The following CLEC3B variants were observed in gnomAD, a reference collection of about 807,000 sequenced individuals.
The protein encoded by CLEC3B is C-type lectin domain family 3 member B, also known as tetranectin.
A neutral mutation model predicts 15.4 loss-of-function variants in CLEC3B; 13 were observed. The ratio of observed to expected loss-of-function variants is 0.84; its 90% confidence interval spans 0.55 to 1.34. The LOEUF (loss-of-function observed/expected upper bound fraction) is 1.34, where lower values mean the gene tolerates loss of function less well. Among genes scored for constraint, CLEC3B ranks in the 40% most tolerant of loss-of-function variants. The pLI, the probability that CLEC3B is intolerant of heterozygous loss-of-function variation, is 0.00. For missense variants in CLEC3B, 242 were observed against 268.6 expected, an observed-to-expected ratio of 0.90 and a Z score of 0.69; for synonymous variants, 112 against 114.7, an observed-to-expected ratio of 0.98 and a Z score of 0.15.
chr3:45,030,572 C>T (rs1283008241), intron 1 of CLEC3B, among the ~76,000 whole-genome samples: 1 of 152,176 alleles, frequency 6.6e-6, no homozygotes, highest in African/African-American at 2.4e-5. Context: ...TCACCCCTGC[C>T]TCTGCTAATC....
At chr3:45,033,358 TG>T (rs1697591133) in intron 2 of CLEC3B, among the ~76,000 whole-genome samples, 2 of 152,214 alleles carry the variant, frequency 1.3e-5, no homozygotes, top group Non-Finnish European at 2.9e-5. Flanking sequence ...CTGGGCTTCT[TG>T]GGGCCTTCTC....
chr3:45,028,293 A>G (rs567611206), intron 1 of CLEC3B, among the ~76,000 whole-genome samples: 17 of 152,316 alleles, frequency 1.1e-4, no homozygotes, highest in African/African-American at 4.1e-4. Context: ...TGGTGGCTCA[A>G]GCCTGTAATC....
intron 1 of CLEC3B, among the ~76,000 whole-genome samples, chr3:45,028,774 G>A (rs1043750081): frequency 2.0e-5 from 3 of 152,220 alleles, no homozygotes; most frequent in Non-Finnish European, 2.9e-5. Flanking sequence ...AGAAGGGACG[G>A]TCATGCCAGA....
At chr3:45,031,704 G>T (rs1207304392) in intron 2 of CLEC3B, among the ~76,000 whole-genome samples, 1 of 152,186 alleles carries the variant, frequency 6.6e-6, no homozygotes, top group Non-Finnish European at 1.5e-5. Flanking sequence ...GCAGCCTATT[G>T]TTTCTCACTC....
rs1334847228 is a variant in CLEC3B at position 45,035,798 on chromosome 3, C to T, written c.483C>T (p.Ile161=). Residue 161 remains isoleucine (I), a synonymous_variant, in exon 3 of 3, where the codon ATC becomes ATT. Transcript: ENST00000296130. ...CCTACAAGAACTGGGAGACTGAGAT[C>T]ACCGCGCAACCCGATGGCGGCAAGA... The part of the protein sequence containing the change: ...RIAYKNWETE[I]TAQPDGGKTE... 1.2e-6 allele frequency: 2 copies of T among 1,613,576 alleles called. No individual in the cohort carries two copies. The highest frequency in any genetic ancestry group is 1.1e-5 in the South Asian group (1 of 91,090).
chr3:45,027,772 C>A (rs1285174687), intron 1 of CLEC3B, among the ~76,000 whole-genome samples: 1 of 152,170 alleles, frequency 6.6e-6, no homozygotes, highest in African/African-American at 2.4e-5. Context: ...ATAGTTACGT[C>A]TATGAGCATT....
intron 1 of CLEC3B, 128 bp downstream of exon 1, chr3:45,026,599 C>A: frequency 2.5e-6 from 2 of 793,948 alleles, no homozygotes; most frequent in Non-Finnish European, 4.2e-6. Flanking sequence ...GTAAAGTGGG[C>A]TTTGGGGCTT....
chr3:45,029,396 C>T (rs1697524961), intron 1 of CLEC3B, among the ~76,000 whole-genome samples: 1 of 152,226 alleles, frequency 6.6e-6, no homozygotes, highest in African/African-American at 2.4e-5. Context: ...ACATGGCACC[C>T]TATGCTGGTA....
At position 45,035,586 on chromosome 3, in the gene CLEC3B, T is replaced by C. The variant is rs1356927544; in HGVS notation, c.271T>C (p.Phe91Leu). The C allele has an allele frequency of 1.9e-6, 3 of 1,613,998 alleles. No homozygotes were observed. In the South Asian group the frequency reaches 3.3e-5, roughly 18 times the overall value. Residue 91 changes from phenylalanine (F) to leucine (L), a missense_variant, in exon 3 of 3, where the codon TTC becomes CTC. Transcript: ENST00000296130. Reference sequence around the variant, plus strand: ...TCTGGCCTTCACCCAGACGAAGACCTTCCACGAGGCCAGCGAGGACTGCAT... The same window carrying C: ...TCTGGCCTTCACCCAGACGAAGACCCTCCACGAGGCCAGCGAGGACTGCAT... ...CFLAFTQTKT[F>L]HEASEDCISR... is the part of the protein sequence containing the mutation.
chr3:45,028,884 A>T (rs1697517788), intron 1 of CLEC3B, among the ~76,000 whole-genome samples: 2 of 152,228 alleles, frequency 1.3e-5, no homozygotes, highest in South Asian at 4.1e-4. Context: ...CCTGGCCCTC[A>T]GGGTGGGTGA....
intron 2 of CLEC3B, among the ~76,000 whole-genome samples, chr3:45,032,077 C>T (rs775811873): frequency 6.6e-6 from 1 of 151,890 alleles, no homozygotes; most frequent in African/African-American, 2.4e-5. Context: ...TGCTGCCCCT[C>T]GAGTTATCAG....
chr3:45,029,276 C>G (rs1487392284), intron 1 of CLEC3B, among the ~76,000 whole-genome samples: 2 of 152,258 alleles, frequency 1.3e-5, no homozygotes, highest in Non-Finnish European at 2.9e-5. Context: ...AGAAAGGCAT[C>G]TCTTTTTCTG....
chr3:45,029,367 T>A (rs115675297), intron 1 of CLEC3B, among the ~76,000 whole-genome samples: 2,137 of 152,344 alleles, frequency 0.014, 26 homozygotes, highest in Middle Eastern at 0.041. Context: ...CCTTCTTCAG[T>A]GCCCCCTTGC....
intron 1 of CLEC3B, among the ~76,000 whole-genome samples, chr3:45,027,296 G>T (rs935119311): frequency 1.3e-5 from 2 of 152,220 alleles, no homozygotes; most frequent in African/African-American, 4.8e-5. Context: ...GAAAGAAGGG[G>T]CTGTGGGGGC....
chr3:45,035,623 G>C lies in CLEC3B; in HGVS notation c.308G>C (p.Gly103Ala), dbSNP rs969795485. The C allele has an allele frequency of 3.1e-6, 5 of 1,613,970 alleles. No individual in the cohort carries two copies. In the African/African-American group the frequency reaches 6.7e-5, roughly 22 times the overall value. Residue 103 changes from glycine (G) to alanine (A), a missense_variant, in exon 3 of 3, where the codon GGC (glycine) becomes GCC (alanine). Physicochemically the swap from Gly to Ala is moderately conservative, Grantham distance 60. Coordinates refer to ENST00000296130, the MANE Select transcript of CLEC3B (RefSeq NM_003278.3). ...AGCGAGGACTGCATCTCGCGCGGGGGCACCCTGGGCACCCCTCAGACTGGC... is the reference window on the plus strand; with the variant it reads ...AGCGAGGACTGCATCTCGCGCGGGGCCACCCTGGGCACCCCTCAGACTGGC... Reference protein sequence around the residue: ...EASEDCISRGGTLGTPQTGSE... With the variant: ...EASEDCISRGATLGTPQTGSE...
intron 2 of CLEC3B, among the ~76,000 whole-genome samples, chr3:45,032,772 T>C (rs1697579285): frequency 6.6e-6 from 1 of 152,184 alleles, no homozygotes; most frequent in Non-Finnish European, 1.5e-5. Context: ...AGGAAACCTA[T>C]CAGTGGCTTA....
At chr3:45,030,777 C>A (rs780398400) in intron 1 of CLEC3B, 50 bp from the exon 2 acceptor site, 3 of 1,301,200 alleles carry the variant, frequency 2.3e-6, no homozygotes, top group Admixed American at 2.0e-5. Flanking sequence ...AAGGTAGGAT[C>A]CTTCCTGCTC....
rs143266445 is a variant in CLEC3B, at chr3:45,032,238, C to A, written c.208+1313C>A. 5.3e-4 allele frequency among the ~76,000 whole-genome samples: 80 copies of A among 152,320 alleles called. 5 individuals carry two copies. In the East Asian group the frequency reaches 0.014, roughly 28 times the overall value. ...CCTCAGAAACCCCCAACAGCCTTCTCACCGGATGGTTTTACACACTCCCTC... is the reference window on the plus strand; with the variant it reads ...CCTCAGAAACCCCCAACAGCCTTCTAACCGGATGGTTTTACACACTCCCTC... On this transcript the variant is annotated intron_variant, in intron 2 of 2. Coordinates refer to ENST00000296130, the MANE Select transcript of CLEC3B (RefSeq NM_003278.3).
rs766000570 is a variant in CLEC3B, at chr3:45,029,711, TC to T, written c.110-1112del. The stretch of plus-strand genomic sequence containing the variant: ...CCATTAAAGTGTTTCCCCACCCACT[TC>T]CCCAAGCTGAGTGCAGCCTTTCCTG... On this transcript the variant is annotated intron_variant, in intron 1 of 2. Transcript: ENST00000296130. 5.9e-5 allele frequency among the ~76,000 whole-genome samples: 9 copies of T among 152,152 alleles called. No homozygotes were observed. In the South Asian group the frequency reaches 1.4e-3, roughly 25 times the overall value.
Sources: allele counts gnomAD v4.1 joint callset (sites outside exome capture counted in the v4.1 genomes callset), GRCh38; gene constraint gnomAD v4.1.1; transcripts MANE v1.5; gene names NCBI Gene and HGNC (gene_info 2026-07-23, HGNC 2026-07-21).